NUMA1: variants seen among roughly 807,000 people sequenced by gnomAD.
The protein encoded by NUMA1 is nuclear mitotic apparatus protein 1, also known as SP-H antigen.
Under a neutral mutation model 237.1 loss-of-function variants are expected in NUMA1, and 62 were observed. That is an observed-to-expected ratio of 0.26 (90% CI 0.21 to 0.32). NUMA1 has a LOEUF of 0.32. Ranked by LOEUF, NUMA1 falls within the 10% of genes least tolerant of loss-of-function variation. NUMA1 has a pLI of 1.00. For missense variants in NUMA1, 2,533 were observed against 2,666.5 expected, an observed-to-expected ratio of 0.95 and a Z score of 1.10; for synonymous variants, 1,028 against 1,066.1, an observed-to-expected ratio of 0.96 and a Z score of 0.70.
At chr11:72,028,550 G>A (rs994052599) in intron 4 of NUMA1, among the ~76,000 whole-genome samples, 6 of 149,482 alleles carry the variant, frequency 4.0e-5, no homozygotes, top group Non-Finnish European at 5.9e-5. Flanking sequence ...ATTCATTTCC[G>A]AGATAACTGT....
chr11:72,010,379 ACTAT>A (rs1168390908), intron 17 of NUMA1, among the ~76,000 whole-genome samples: 5 of 152,228 alleles, frequency 3.3e-5, no homozygotes, highest in African/African-American at 1.2e-4. Context: ...CCCTGCCCAG[ACTAT>A]CTAGACTTAC....
rs539052150 is a variant in NUMA1, at chr11:72,031,474, A to G, written c.43-2184T>C. Among the ~76,000 whole-genome samples the G allele has an allele frequency of 2.0e-5, 3 of 152,242 alleles. No homozygotes were observed. The East Asian group carries it at 5.8e-4, about 29-fold the overall frequency. ...TTTCTCTACAGACATGATAGTATTT[A>G]TTTGAGTTAAACACTTTCACATTTA... is the stretch of plus-strand genomic sequence containing the variant. On this transcript the variant is annotated intron_variant, in intron 3 of 26. Transcript: ENST00000393695.
At chr11:72,021,742 T>G (rs1181617183) in intron 7 of NUMA1, among the ~76,000 whole-genome samples, 1 of 152,160 alleles carries the variant, frequency 6.6e-6, no homozygotes, top group Non-Finnish European at 1.5e-5. Context: ...TAGCTAGAAC[T>G]ACAGACACAC....
chr11:72,067,812 TAACTTAGTCACAGA>T (rs1943265496), intron 2 of NUMA1: 1 of 152,214 alleles, frequency 6.6e-6, no homozygotes, highest in Non-Finnish European at 1.5e-5. Context: ...GATTATACAG[TAACTTAGTCACAGA>T]ATCTTTTGAC....
At chr11:72,009,513 C>T (rs1955998895) in intron 17 of NUMA1, 126 bp from the exon 18 acceptor site, 3 of 1,209,002 alleles carry the variant, frequency 2.5e-6, no homozygotes, top group African/African-American at 3.1e-5. Context: ...CGGAAGAAAA[C>T]CACACCACCC....
chr11:72,032,867 A>G (rs1206101538), intron 3 of NUMA1, among the ~76,000 whole-genome samples: 1 of 152,214 alleles, frequency 6.6e-6, no homozygotes, highest in Non-Finnish European at 1.5e-5. Flanking sequence ...CCACTAATTT[A>G]TTTTTATGTT....
rs1955958363 is a variant in NUMA1, at chr11:72,009,090, G to C, written c.4935C>G (p.Asn1645Lys). 6.2e-7 allele frequency: 1 copy of C among 1,613,010 alleles called. No individual in the cohort carries two copies. The stretch of plus-strand genomic sequence containing the variant: ...GTTCAGCTTCAGCTCGCAGCTCTTT[G>C]TTTTCCTTCTGCAGCTGCTCCAGGC... Reference protein sequence around the residue: ...LRSLEQLQKENKELRAEAERL... With the variant: ...LRSLEQLQKEKKELRAEAERL... Residue 1645 changes from asparagine (N) to lysine (K), a missense_variant, in exon 19 of 27, where the codon AAC becomes AAG. Physicochemically the swap from Asn to Lys is moderately conservative, Grantham distance 94. Transcript: ENST00000393695.
rs753793297 is a variant in NUMA1 at position 72,014,032 on chromosome 11, C to G, written c.3471G>C (p.Arg1157=). ...ERSLEAERAS[R]AERDSALETL... Reference sequence around the variant, plus strand: ...TCTCCAGAGCACTGTCCCGCTCAGCCCGGGAGGCCCGCTCAGCCTCGAGGC... The same window carrying G: ...TCTCCAGAGCACTGTCCCGCTCAGCGCGGGAGGCCCGCTCAGCCTCGAGGC... Residue 1157 remains arginine, a synonymous_variant, in exon 15 of 27, where the codon CGG becomes CGC. Transcript: ENST00000393695. The surrounding 1 kb of genome is among the most constrained non-coding windows in gnomAD (Gnocchi z 4.6). 6.2e-7 allele frequency: 1 copy of G among 1,611,378 alleles called. No homozygotes were observed. The highest frequency in any genetic ancestry group is 1.1e-5 in the South Asian group (1 of 91,074).
chr11:72,072,440 G>A (rs1395073518), intron 1 of NUMA1: 1 of 154,318 alleles, frequency 6.5e-6, no homozygotes, highest in Non-Finnish European at 1.5e-5. Context: ...CTGCAATAAG[G>A]CAGAAGAAAT....
At position 72,006,279 on chromosome 11, in the gene NUMA1, A is replaced by C. The variant is rs529431747; in HGVS notation, c.5464-16T>G. The C allele has an allele frequency of 2.5e-5, 40 of 1,610,696 alleles. No individual in the cohort carries two copies. The South Asian group carries it at 4.1e-4, about 16-fold the overall frequency. On this transcript the variant is annotated splice_polypyrimidine_tract_variant and intron_variant, in intron 21 of 26. Coordinates refer to ENST00000393695, the MANE Select transcript of NUMA1 (RefSeq NM_006185.4). Reference sequence around the variant, plus strand: ...CATCTAGCTTCTGGAAGACAGAGTGAATCTGTTGCAGTGTACAGTCCCTGG... The same window carrying C: ...CATCTAGCTTCTGGAAGACAGAGTGCATCTGTTGCAGTGTACAGTCCCTGG...
intron 21 of NUMA1, among the ~76,000 whole-genome samples, chr11:72,006,588 G>T (rs1955730869): frequency 6.6e-6 from 1 of 152,184 alleles, no homozygotes; most frequent in Admixed American, 6.5e-5. Context: ...AAATCACACT[G>T]CTAGGAAGTA....
At position 72,018,814 on chromosome 11, in the gene NUMA1, G is replaced by A. The variant is rs112172486; in HGVS notation, c.742+9C>T. Reference sequence around the variant, plus strand: ...TATTCACACATCTGCCAGTGTGCCAGCCACCTACCCTTCTCGGTGAGGAGC... The same window carrying A: ...TATTCACACATCTGCCAGTGTGCCAACCACCTACCCTTCTCGGTGAGGAGC... On this transcript the variant is annotated intron_variant, in intron 10 of 26. Coordinates refer to ENST00000393695, the MANE Select transcript of NUMA1 (RefSeq NM_006185.4). 6.2e-7 allele frequency: 1 copy of A among 1,605,956 alleles called. No homozygotes were observed. The highest frequency in any genetic ancestry group is 1.3e-5 in the African/African-American group (1 of 74,752).
At position 72,010,857 on chromosome 11, in the gene NUMA1, G is replaced by A. The variant is rs763350239; in HGVS notation, c.4651-3C>T. 6.2e-7 allele frequency: 1 copy of A among 1,613,384 alleles called. No individual in the cohort carries two copies. Among genetic ancestry groups the A allele is most frequent in the South Asian group, 1.1e-5 (1 of 91,064 alleles). ...AGTTTCTTACTCAGTTCTTCCACCT[G>A]GGGAGGGAAGAGGAGGACAGAAGAC... On this transcript the variant is annotated splice_polypyrimidine_tract_variant and splice_region_variant and intron_variant, in intron 16 of 26. Coordinates refer to ENST00000393695, the MANE Select transcript of NUMA1 (RefSeq NM_006185.4).
chr11:72,055,093 A>C (rs551084424), intron 2 of NUMA1, among the ~76,000 whole-genome samples: 5 of 151,170 alleles, frequency 3.3e-5, no homozygotes, highest in African/African-American at 9.7e-5. Flanking sequence ...CAATGTCAAC[A>C]AAAAAAAATG....
chr11:72,056,387 T>G (rs1351371847), intron 2 of NUMA1, among the ~76,000 whole-genome samples: 2 of 149,670 alleles, frequency 1.3e-5, no homozygotes, highest in East Asian at 3.9e-4. Context: ...AGTGGTGTGA[T>G]CTTGGCTCAT....
chr11:72,066,340 T>C (rs192389256), intron 2 of NUMA1: 1 of 150,466 alleles, frequency 6.6e-6, no homozygotes, highest in Admixed American at 6.6e-5. Flanking sequence ...CTAAATAACA[T>C]AGATTGGGTC....
intron 2 of NUMA1, among the ~76,000 whole-genome samples, chr11:72,068,918 C>T (rs1943323706): frequency 6.6e-6 from 1 of 152,128 alleles, no homozygotes; most frequent in African/African-American, 2.4e-5. Context: ...AAAGGTATTG[C>T]CTTGCATGAA....
In NUMA1 at chr11:72,003,386, C is replaced by T. The variant is rs188396458; in HGVS notation, c.*141G>A. The T allele has an allele frequency of 1.2e-4, 95 of 817,478 alleles. No homozygotes were observed. Among genetic ancestry groups the T allele is most frequent in the African/African-American group, 8.3e-4 (50 of 60,114 alleles). 50.6% of individuals were successfully genotyped at this position (817,478 alleles called of 1,614,324 possible). On this transcript the variant is annotated 3_prime_UTR_variant, in exon 27 of 27. Coordinates refer to ENST00000393695, the MANE Select transcript of NUMA1 (RefSeq NM_006185.4). The stretch of plus-strand genomic sequence containing the variant: ...AAGGACCAGGGACCAGGCCAGGGTG[C>T]GGGCAGGCATCACTGTCTCTAGGGG...
At chr11:72,038,711 T>C (rs1382121034) in intron 2 of NUMA1, among the ~76,000 whole-genome samples, 2 of 151,826 alleles carry the variant, frequency 1.3e-5, no homozygotes, top group East Asian at 3.9e-4. Flanking sequence ...AAACAGATCC[T>C]TGCGATTGTA....
Sources: gnomAD v4.1 joint callset for allele counts (sites outside exome capture counted in the v4.1 genomes callset) on GRCh38, gnomAD v4.1.1 for gene constraint, Gnocchi (gnomAD v3.1) non-coding constraint, MANE v1.5 for transcripts, NCBI Gene and HGNC (gene_info 2026-07-23, HGNC 2026-07-21) for gene names.